The following CNTN5 variants were observed in gnomAD, a reference collection of about 807,000 sequenced individuals.
CNTN5 encodes the protein contactin 5.
Under a neutral mutation model 129.1 loss-of-function variants are expected in CNTN5, and 77 were observed. The ratio of observed to expected loss-of-function variants is 0.60; its 90% CI spans 0.50 to 0.72. CNTN5 has a LOEUF of 0.72. Among genes scored for constraint, CNTN5 ranks in the 30% least tolerant of loss-of-function variants. CNTN5 has a pLI of 0.00. For synonymous variants in CNTN5, 509 were observed against 465.6 expected, an observed-to-expected ratio of 1.09 and a Z score of -1.20; for missense variants, 1,478 against 1,328.8, an observed-to-expected ratio of 1.11 and a Z score of -1.75.
chr11:99,865,098 CTT>C (rs1474247738), intron 6 of CNTN5, among the ~76,000 whole-genome samples: 3 of 152,144 alleles, frequency 2.0e-5, no homozygotes, highest in South Asian at 4.1e-4. Context: ...TCTTCCATCT[CTT>C]TGTCTTGAGA....
chr11:99,911,968 T>C (rs1949672904), intron 6 of CNTN5, among the ~76,000 whole-genome samples: 1 of 152,028 alleles, frequency 6.6e-6, no homozygotes, highest in Admixed American at 6.6e-5. Flanking sequence ...ATACTTGTTT[T>C]GCCCTGCAGC....
intron 13 of CNTN5, 31 bp from the exon 14 acceptor site, chr11:100,191,095 G>GAAA (rs3031278): frequency 0.014 from 19,652 of 1,454,826 alleles, 1 homozygote; most frequent in East Asian, 0.04. Context: ...CAGTAAAACA[G>GAAA]AAAAAAAAAC....
rs184902911 is a variant in CNTN5, at chr11:99,826,983, A to T, written c.277+7218A>T. On this transcript the variant is annotated intron_variant, in intron 4 of 24. Transcript: ENST00000524871. The stretch of plus-strand genomic sequence containing the variant: ...AAGCAGTAGTAGCAGAGATAAAGAG[A>T]AAATAATAGTTCATCACCCTGTATT... Among the ~76,000 whole-genome samples the T allele has an allele frequency of 1.8e-4, 28 of 152,354 alleles. 2 individuals carry two copies. The East Asian group carries it at 5.0e-3, about 27-fold the overall frequency.
intron 9 of CNTN5, among the ~76,000 whole-genome samples, chr11:100,050,706 T>G (rs1942912080): frequency 6.6e-6 from 1 of 151,988 alleles, no homozygotes; most frequent in East Asian, 1.9e-4. Context: ...TAAAAATGAT[T>G]TTTTATATAT....
intron 1 of CNTN5, among the ~76,000 whole-genome samples, chr11:99,212,449 C>G (rs919749485): frequency 6.6e-6 from 1 of 152,154 alleles, no homozygotes; most frequent in Non-Finnish European, 1.5e-5. Flanking sequence ...CCTACACTTT[C>G]CTTGCACGTC....
intron 6 of CNTN5, among the ~76,000 whole-genome samples, chr11:99,853,357 G>C (rs1040251910): frequency 6.6e-6 from 1 of 151,788 alleles, no homozygotes; most frequent in South Asian, 2.1e-4. Context: ...TATGTAGCAG[G>C]TATGTGTGTA....
chr11:99,355,776 T>A (rs1358131424), intron 2 of CNTN5, among the ~76,000 whole-genome samples: 1 of 152,020 alleles, frequency 6.6e-6, no homozygotes, highest in Non-Finnish European at 1.5e-5. Context: ...CTTAACTAGT[T>A]TATTGTCCTC....
chr11:100,348,037 C>G (rs1219360622), intron 23 of CNTN5, among the ~76,000 whole-genome samples: 2 of 151,754 alleles, frequency 1.3e-5, no homozygotes, highest in Non-Finnish European at 2.9e-5. Flanking sequence ...TTTAGATAAC[C>G]CACTGCTCTC....
intron 2 of CNTN5, among the ~76,000 whole-genome samples, chr11:99,454,921 C>G (rs1027463829): frequency 5.3e-5 from 8 of 151,926 alleles, no homozygotes; most frequent in African/African-American, 1.9e-4. Flanking sequence ...AAATAGTTGA[C>G]ACAGAAGAGT....
At chr11:99,706,646 T>C (rs79103495) in intron 3 of CNTN5, among the ~76,000 whole-genome samples, 8,466 of 151,464 alleles carry the variant, frequency 0.056, 354 homozygotes, top group East Asian at 0.19. Context: ...TTTTCTCTCT[T>C]GGGTAGAAGT....
chr11:100,350,589 C>T (rs909764430), intron 23 of CNTN5, 113 bp from the exon 24 acceptor site: 1 of 676,706 alleles, frequency 1.5e-6, no homozygotes, highest in African/African-American at 1.8e-5. Flanking sequence ...GCTTATGTAT[C>T]TGTCTAAACT....
intron 2 of CNTN5, among the ~76,000 whole-genome samples, chr11:99,340,793 A>T (rs904957874): frequency 3.3e-5 from 5 of 152,234 alleles, no homozygotes; most frequent in African/African-American, 1.2e-4. Context: ...AATGAAAGTA[A>T]TTAATTGCAA....
chr11:99,683,571 C>T (rs1422405848), intron 3 of CNTN5, among the ~76,000 whole-genome samples: 3 of 151,818 alleles, frequency 2.0e-5, no homozygotes, highest in African/African-American at 2.4e-5. Context: ...TGGTTGGCCA[C>T]TTTCCAAAAT....
At chr11:99,468,830 G>C (rs114702070) in intron 2 of CNTN5, among the ~76,000 whole-genome samples, 3,141 of 151,556 alleles carry the variant, frequency 0.021, 118 homozygotes, top group African/African-American at 0.071. Flanking sequence ...CATCTCCCAG[G>C]TTCAAGCGAT....
At chr11:99,427,196 G>GT (rs1389267453) in intron 2 of CNTN5, among the ~76,000 whole-genome samples, 1 of 152,138 alleles carries the variant, frequency 6.6e-6, no homozygotes, top group Non-Finnish European at 1.5e-5. Flanking sequence ...GTCCTGAATC[G>GT]TAAGTGAAGG....
At chr11:100,192,139 G>A (rs1421429572) in intron 14 of CNTN5, among the ~76,000 whole-genome samples, 1 of 151,942 alleles carries the variant, frequency 6.6e-6, no homozygotes, top group Non-Finnish European at 1.5e-5. Flanking sequence ...TTTATATAAT[G>A]CATTACTGGA....
chr11:100,120,334 T>A (rs961850214), intron 13 of CNTN5, among the ~76,000 whole-genome samples: 2 of 151,988 alleles, frequency 1.3e-5, no homozygotes, highest in African/African-American at 4.8e-5. Flanking sequence ...GAATGTCATT[T>A]CCTTCATTTG....
chr11:99,621,192 A>T (rs974609111), intron 3 of CNTN5, among the ~76,000 whole-genome samples: 1 of 152,166 alleles, frequency 6.6e-6, no homozygotes, highest in Non-Finnish European at 1.5e-5. Flanking sequence ...CAGTGATGAA[A>T]GACTACCCAA....
chr11:99,819,445 G>A (rs1243794822), intron 3 of CNTN5, 99 bp from the exon 4 acceptor site: 1 of 998,170 alleles, frequency 1.0e-6, no homozygotes, highest in South Asian at 1.5e-5. Flanking sequence ...CAGCTCCAAA[G>A]AAGGTTTTTA....
Sources: gnomAD v4.1 joint callset for allele counts (sites outside exome capture counted in the v4.1 genomes callset) on GRCh38, gnomAD v4.1.1 for gene constraint, MANE v1.5 for transcripts, NCBI Gene and HGNC (gene_info 2026-07-23, HGNC 2026-07-21) for gene names.